The following GALNT2 variants were observed in gnomAD, a reference collection of about 807,000 sequenced individuals.
GALNT2 encodes the protein polypeptide N-acetylgalactosaminyltransferase 2, also known as UDP-GalNAc:polypeptide N-acetylgalactosaminyltransferase 2.
In GALNT2, 31 loss-of-function variants were observed where a neutral mutation model predicts 81.4. The observed-to-expected ratio is 0.38, with a 90% confidence interval of 0.29 to 0.51. The LOEUF is 0.51. Ranked by LOEUF, GALNT2 falls within the 20% of genes least tolerant of loss-of-function variation. The pLI is 0.87. For synonymous variants in GALNT2, 303 were observed against 287.4 expected (o/e 1.05, Z -0.55); for missense variants, 629 against 765.7 (o/e 0.82, Z 2.11).
In GALNT2 at chr1:230,249,226, C is replaced by T; in HGVS notation, c.860C>T (p.Pro287Leu). ...GTATTCAAGTGGGATTACATGACGC[C>T]TGAGCAGAGAAGGTCCCGGCAGGGG... Reference protein sequence around the residue: ...NLVFKWDYMTPEQRRSRQGNP... With the variant: ...NLVFKWDYMTLEQRRSRQGNP... Residue 287 changes from proline to leucine, a missense_variant, in exon 9 of 16, where the codon CCT becomes CTT. Pro to Leu is a moderately conservative substitution (Grantham distance 98). Around this residue, in one of 3 missense-constraint regions of GALNT2, gnomAD observed 360 missense variants for 492.8 expected, o/e 0.73. Coordinates refer to ENST00000366672, the MANE Select transcript of GALNT2 (RefSeq NM_004481.5). 1.9e-6 allele frequency: 3 copies of T among 1,614,150 alleles called. No individual in the cohort carries two copies. Among genetic ancestry groups the T allele is most frequent in the Non-Finnish European group, 2.5e-6 (3 of 1,180,012 alleles).
At chr1:230,085,749 A>G (rs1433409805) in intron 1 of GALNT2, among the ~76,000 whole-genome samples, 1 of 152,188 alleles carries the variant, frequency 6.6e-6, no homozygotes, top group Non-Finnish European at 1.5e-5. Flanking sequence ...TCTCTTATTC[A>G]TTGCATTTTG....
chr1:230,072,387 G>A lies in GALNT2; in HGVS notation c.126+4981G>A, dbSNP rs1338967091. On this transcript the variant is annotated intron_variant, in intron 1 of 15. Transcript: ENST00000366672. The stretch of plus-strand genomic sequence containing the variant: ...CGGGGGTGGCGGGGGGTGCGGTGAG[G>A]CTGCCTGGGACAGAGACACAGGTGT... Among the ~76,000 whole-genome samples, 4 of 152,018 alleles carry A rather than the reference G, an allele frequency of 2.6e-5. No homozygotes were observed. In the East Asian group the frequency reaches 7.7e-4, roughly 29 times the overall value.
At chr1:230,201,677 C>T (rs2102705880) in intron 2 of GALNT2, among the ~76,000 whole-genome samples, 1 of 152,306 alleles carries the variant, frequency 6.6e-6, no homozygotes, top group Admixed American at 6.5e-5. Flanking sequence ...GGCAGCCCTG[C>T]CTTCCCCTCT....
chr1:230,121,048 C>G (rs1342452373), intron 1 of GALNT2, among the ~76,000 whole-genome samples: 9 of 152,236 alleles, frequency 5.9e-5, no homozygotes, highest in Admixed American at 2.0e-4. Context: ...CTCCCTGGTA[C>G]TGCATCCTGC....
At chr1:230,235,213 CAAAAAAA>C (rs10532058) in intron 3 of GALNT2, among the ~76,000 whole-genome samples, 7 of 76,734 alleles carry the variant, frequency 9.1e-5, no homozygotes, top group South Asian at 5.1e-4. Context: ...GACCCTGTCT[CAAAAAAA>C]AAAAAAAAAA....
intron 3 of GALNT2, among the ~76,000 whole-genome samples, chr1:230,213,281 C>A (rs1045915378): frequency 1.3e-5 from 2 of 152,248 alleles, no homozygotes; most frequent in African/African-American, 4.8e-5. Context: ...TAAGGATAAC[C>A]TAACCACCTC....
chr1:230,192,089 G>A (rs902810794), intron 2 of GALNT2, among the ~76,000 whole-genome samples: 1 of 152,242 alleles, frequency 6.6e-6, no homozygotes, highest in African/African-American at 2.4e-5. Context: ...GACAGGACTG[G>A]CACTGCCACC....
chr1:230,113,990 G>A (rs528634815), intron 1 of GALNT2, among the ~76,000 whole-genome samples: 6 of 152,194 alleles, frequency 3.9e-5, no homozygotes, highest in African/African-American at 9.6e-5. Context: ...CTTCATCTCC[G>A]TGAAGTGCTT....
intron 15 of GALNT2, among the ~76,000 whole-genome samples, chr1:230,276,037 GTATATACATGCCACATATATATACGTA>G (rs1558174657): frequency 1.1e-4 from 5 of 44,198 alleles, no homozygotes; most frequent in African/African-American, 4.0e-4. Flanking sequence ...ATATATATAC[GTATATACATGCCACATATATATACGTA>G]TATATACATG....
chr1:230,131,369 C>A, intron 1 of GALNT2, among the ~76,000 whole-genome samples: 1 of 152,202 alleles, frequency 6.6e-6, no homozygotes, highest in East Asian at 1.9e-4. Flanking sequence ...AGCTTTGCTT[C>A]CTTAACCAAT....
At chr1:230,274,160 G>A (rs1213857395) in intron 14 of GALNT2, among the ~76,000 whole-genome samples, 1 of 152,148 alleles carries the variant, frequency 6.6e-6, no homozygotes, top group African/African-American at 2.4e-5. Context: ...CTTGTATTTG[G>A]GGCTAAAATA....
At chr1:230,175,108 A>G (rs1662927689) in intron 1 of GALNT2, among the ~76,000 whole-genome samples, 1 of 152,222 alleles carries the variant, frequency 6.6e-6, no homozygotes, top group Non-Finnish European at 1.5e-5. Flanking sequence ...GGTGGAGAGA[A>G]GAGAGTGGGA....
At chr1:230,277,089 G>A (rs930858842) in intron 15 of GALNT2, among the ~76,000 whole-genome samples, 1 of 152,140 alleles carries the variant, frequency 6.6e-6, no homozygotes, top group Non-Finnish European at 1.5e-5. Flanking sequence ...TAACTGACAC[G>A]GCTTAGGACC....
intron 1 of GALNT2, among the ~76,000 whole-genome samples, chr1:230,112,048 C>T: frequency 6.6e-6 from 1 of 152,034 alleles, no homozygotes; most frequent in Non-Finnish European, 1.5e-5. Flanking sequence ...TGTCTCATTA[C>T]TGAGAGGAAG....
intron 1 of GALNT2, among the ~76,000 whole-genome samples, chr1:230,108,934 A>G (rs1163902295): frequency 3.2e-5 from 4 of 123,470 alleles, no homozygotes; most frequent in Non-Finnish European, 5.2e-5. Context: ...ACCATCGTGA[A>G]GTCAGAATTG....
At chr1:230,224,790 A>G (rs1190346428) in intron 3 of GALNT2, among the ~76,000 whole-genome samples, 1 of 152,224 alleles carries the variant, frequency 6.6e-6, no homozygotes, top group Non-Finnish European at 1.5e-5. Context: ...ATGAGATTAG[A>G]GGACTTCAAA....
At chr1:230,060,360 T>C (rs7529645) in intron 1 of GALNT2, among the ~76,000 whole-genome samples, 3,015 of 152,304 alleles carry the variant, frequency 0.02, 91 homozygotes, top group African/African-American at 0.065. Context: ...CCCTTGTTTA[T>C]ATACATCCTT....
chr1:230,249,394 C>G, intron 9 of GALNT2, 123 bp downstream of exon 9: 1 of 725,560 alleles, frequency 1.4e-6, no homozygotes, highest in Non-Finnish European at 2.3e-6. Flanking sequence ...TCCGGTTTCC[C>G]CTCGTCTCAG....
intron 3 of GALNT2, among the ~76,000 whole-genome samples, chr1:230,204,669 C>T (rs1211520712): frequency 6.6e-6 from 1 of 152,164 alleles, no homozygotes; most frequent in Non-Finnish European, 1.5e-5. Flanking sequence ...TTGGAATTCT[C>T]AGTGAATTAG....
Sources: allele counts gnomAD v4.1 joint callset (sites outside exome capture counted in the v4.1 genomes callset), GRCh38; gene constraint gnomAD v4.1.1; regional missense constraint gnomAD v4.1.1; transcripts MANE v1.5; gene names NCBI Gene and HGNC (gene_info 2026-07-23, HGNC 2026-07-21).